Variants in BMAL2 observed in about 807,000 individuals in gnomAD.
The protein encoded by BMAL2 is basic helix-loop-helix ARNT like 2, also known as basic helix-loop-helix ARNT-like protein 2.
chr12:27,383,115 C>T, the BMAL2 span, among the ~76,000 whole-genome samples: 18 of 152,116 alleles, frequency 1.2e-4, 1 homozygote, highest in East Asian at 9.6e-4. Flanking sequence ...CACACGCATG[C>T]GTCCTGAAGG....
the BMAL2 span, among the ~76,000 whole-genome samples, chr12:27,372,488 A>G: frequency 6.6e-6 from 1 of 152,138 alleles, no homozygotes; most frequent in South Asian, 2.1e-4. Flanking sequence ...TACCCGTTTT[A>G]GTCCTTGCTT....
chr12:27,409,058 A>G, the BMAL2 span, among the ~76,000 whole-genome samples: 2 of 152,218 alleles, frequency 1.3e-5, no homozygotes, highest in African/African-American at 4.8e-5. Flanking sequence ...GACCTCTTCA[A>G]GGAGAACTAG....
At chr12:27,340,442 C>T in the BMAL2 span, among the ~76,000 whole-genome samples, 1 of 152,160 alleles carries the variant, frequency 6.6e-6, no homozygotes, top group Non-Finnish European at 1.5e-5. Flanking sequence ...TCTGAGCTCT[C>T]TATTCTGTTC....
the BMAL2 span, among the ~76,000 whole-genome samples, chr12:27,364,183 A>G: frequency 1.3e-5 from 2 of 152,240 alleles, no homozygotes; most frequent in South Asian, 4.1e-4. Flanking sequence ...TGGAGCATGC[A>G]TGACCTAATC....
chr12:27,400,602 A>G, the BMAL2 span: 7 of 1,613,982 alleles, frequency 4.3e-6, no homozygotes, highest in East Asian at 2.2e-5. Context: ...TATTGTTGGA[A>G]TGGAAGAAGA....
the BMAL2 span, chr12:27,376,260 G>A: frequency 8.4e-7 from 1 of 1,187,248 alleles, no homozygotes; most frequent in African/African-American, 1.5e-5. Flanking sequence ...ATGATTGATT[G>A]GACTTAATCT....
At chr12:27,420,266 A>G in the BMAL2 span, 1 of 1,189,032 alleles carries the variant, frequency 8.4e-7, no homozygotes, top group Non-Finnish European at 1.2e-6. Context: ...TGCCTTCAAA[A>G]ATACATTTTA....
chr12:27,339,246 A>G, the BMAL2 span, among the ~76,000 whole-genome samples: 3 of 152,226 alleles, frequency 2.0e-5, no homozygotes, highest in African/African-American at 7.2e-5. Context: ...TTTGCTAAGG[A>G]TAATGGCCTC....
At chr12:27,370,066 A>C in the BMAL2 span, 1 of 1,217,696 alleles carries the variant, frequency 8.2e-7, no homozygotes, top group African/African-American at 1.5e-5. Flanking sequence ...ACTTGAGGAC[A>C]GGCTTGCTGT....
the BMAL2 span, chr12:27,420,850 G>GT: frequency 8.7e-5 from 17 of 195,720 alleles, no homozygotes; most frequent in Middle Eastern, 1.8e-3. Flanking sequence ...TTTTGATGCA[G>GT]TTTTTTTTAG....
At chr12:27,351,518 C>T in the BMAL2 span, among the ~76,000 whole-genome samples, 2 of 152,100 alleles carry the variant, frequency 1.3e-5, no homozygotes, top group Admixed American at 6.5e-5. Flanking sequence ...CAGTCCAGAG[C>T]CCACTACCCA....
At chr12:27,354,200 A>G in the BMAL2 span, among the ~76,000 whole-genome samples, 1 of 152,224 alleles carries the variant, frequency 6.6e-6, no homozygotes, top group Admixed American at 6.5e-5. Flanking sequence ...GGACAAAGAA[A>G]ATGTGGTACA....
At chr12:27,344,142 A>C in the BMAL2 span, among the ~76,000 whole-genome samples, 1 of 152,244 alleles carries the variant, frequency 6.6e-6, no homozygotes, top group Admixed American at 6.5e-5. Context: ...ATTTAAGTAC[A>C]TTGCCTAAGA....
At chr12:27,401,824 G>A in the BMAL2 span, 15 of 577,918 alleles carry the variant, frequency 2.6e-5, no homozygotes, top group Admixed American at 4.8e-4. Context: ...TTCATTTACT[G>A]TTCATTGACA....
chr12:27,379,897 A>G, the BMAL2 span, among the ~76,000 whole-genome samples: 1 of 152,168 alleles, frequency 6.6e-6, no homozygotes, highest in African/African-American at 2.4e-5. Context: ...GCTGACAACT[A>G]TTTATGCAAA....
the BMAL2 span, among the ~76,000 whole-genome samples, chr12:27,392,929 C>T: frequency 6.6e-6 from 1 of 152,100 alleles, no homozygotes; most frequent in Admixed American, 6.5e-5. Context: ...ATTTCGCCCT[C>T]TGCCCCCTAC....
At chr12:27,420,830 T>C in the BMAL2 span, 8 of 225,766 alleles carry the variant, frequency 3.5e-5, no homozygotes, top group East Asian at 7.5e-4. Flanking sequence ...TTGTTTTGGC[T>C]TTGTTTTATT....
At chr12:27,410,066 A>T in the BMAL2 span, among the ~76,000 whole-genome samples, 1 of 151,902 alleles carries the variant, frequency 6.6e-6, no homozygotes, top group Non-Finnish European at 1.5e-5. Context: ...CACCAGTTAG[A>T]ATGGCGATCA....
the BMAL2 span, among the ~76,000 whole-genome samples, chr12:27,397,689 C>T: frequency 4.6e-5 from 7 of 152,182 alleles, no homozygotes; most frequent in South Asian, 2.1e-4. Context: ...TCATGGGTCA[C>T]GGATTCAGAC....
Sources: gnomAD v4.1 joint callset for allele counts (sites outside exome capture counted in the v4.1 genomes callset) on GRCh38, gnomAD v4.1.1 for gene constraint, MANE v1.5 for transcripts, NCBI Gene and HGNC (gene_info 2026-07-23, HGNC 2026-07-21) for gene names.